Variants in MAPKAP1 observed in about 807,000 individuals in gnomAD.
The protein encoded by MAPKAP1 is target of rapamycin complex 2 subunit MAPKAP1.
MAPKAP1 carries 20 observed loss-of-function variants against 65.7 expected under a neutral mutation model. The observed-to-expected ratio is 0.30, with a 90% CI of 0.21 to 0.44. The LOEUF (loss-of-function observed/expected upper bound fraction) is 0.44, where lower values mean the gene tolerates loss of function less well. MAPKAP1 is among the 20% of genes least tolerant of loss of function. MAPKAP1 has a pLI of 1.00. For synonymous variants in MAPKAP1, 222 were observed against 244.3 expected (o/e 0.91, Z 0.85); for missense variants, 423 against 648.0 (o/e 0.65, Z 3.77).
At chr9:125,481,372 C>G (rs1016751766) in intron 9 of MAPKAP1, among the ~76,000 whole-genome samples, 5 of 152,188 alleles carry the variant, frequency 3.3e-5, no homozygotes, top group African/African-American at 1.2e-4. Context: ...TGATGCTCAC[C>G]TGGGCCCTTG....
At chr9:125,444,660 T>C in intron 10 of MAPKAP1, 62 bp from the exon 11 acceptor site, 1 of 1,132,680 alleles carries the variant, frequency 8.8e-7, no homozygotes, top group Non-Finnish European at 1.3e-6. Flanking sequence ...GGGGCCTCCA[T>C]ATGTTCTCCC....
intron 10 of MAPKAP1, among the ~76,000 whole-genome samples, chr9:125,463,880 T>G (rs1853584452): frequency 6.6e-6 from 1 of 152,230 alleles, no homozygotes; most frequent in African/African-American, 2.4e-5. Context: ...AATGATAGGC[T>G]GCTTCCTTTA....
intron 8 of MAPKAP1, among the ~76,000 whole-genome samples, chr9:125,488,035 T>C (rs1443785034): frequency 6.6e-6 from 1 of 152,248 alleles, no homozygotes; most frequent in Non-Finnish European, 1.5e-5. Flanking sequence ...GCAAGGCTTG[T>C]CAATATCCTT....
intron 9 of MAPKAP1, among the ~76,000 whole-genome samples, chr9:125,473,193 G>A (rs1319708915): frequency 6.6e-6 from 1 of 151,838 alleles, no homozygotes; most frequent in Non-Finnish European, 1.5e-5. Flanking sequence ...ACCCAACCTG[G>A]TGCCCCTCTC....
chr9:125,444,731 GT>G (rs1852636576), intron 10 of MAPKAP1, 133 bp from the exon 11 acceptor site: 1 of 597,994 alleles, frequency 1.7e-6, no homozygotes, highest in African/African-American at 1.9e-5. Flanking sequence ...CTTCCCAGGA[GT>G]AGTTCGTTTT....
At chr9:125,619,426 A>G (rs1832833641) in intron 4 of MAPKAP1, among the ~76,000 whole-genome samples, 1 of 152,104 alleles carries the variant, frequency 6.6e-6, no homozygotes, top group Non-Finnish European at 1.5e-5. Flanking sequence ...ACAGTGAGCT[A>G]AGATCATGCC....
At chr9:125,479,418 A>G (rs1262627979) in intron 9 of MAPKAP1, among the ~76,000 whole-genome samples, 1 of 152,152 alleles carries the variant, frequency 6.6e-6, no homozygotes, top group Non-Finnish European at 1.5e-5. Flanking sequence ...CGTCTCTACT[A>G]AAAACACAAA....
chr9:125,496,178 G>A (rs547105618), intron 8 of MAPKAP1, among the ~76,000 whole-genome samples: 1 of 152,296 alleles, frequency 6.6e-6, no homozygotes, highest in South Asian at 2.1e-4. Flanking sequence ...CCTTTATAGT[G>A]CGAACCAGTC....
intron 1 of MAPKAP1, among the ~76,000 whole-genome samples, chr9:125,701,608 T>A (rs898175972): frequency 1.3e-5 from 2 of 152,208 alleles, no homozygotes; most frequent in Admixed American, 6.5e-5. Flanking sequence ...GGGTGCCGAT[T>A]TCTTCATCTC....
At chr9:125,487,528 T>C (rs1854534616) in intron 8 of MAPKAP1, among the ~76,000 whole-genome samples, 1 of 152,036 alleles carries the variant, frequency 6.6e-6, no homozygotes, top group Non-Finnish European at 1.5e-5. Flanking sequence ...AGAACTTCTG[T>C]TTGCTTTACT....
chr9:125,614,532 G>A (rs1224038097), intron 4 of MAPKAP1, among the ~76,000 whole-genome samples: 1 of 152,118 alleles, frequency 6.6e-6, no homozygotes, highest in Non-Finnish European at 1.5e-5. Flanking sequence ...GCTAGGGCAG[G>A]GAGAATCACT....
intron 7 of MAPKAP1, among the ~76,000 whole-genome samples, chr9:125,526,449 C>T (rs1829770361): frequency 6.6e-6 from 1 of 152,194 alleles, no homozygotes; most frequent in South Asian, 2.1e-4. Context: ...TATGCTTTAA[C>T]CTACGGAAAA....
intron 10 of MAPKAP1, among the ~76,000 whole-genome samples, chr9:125,449,451 T>A (rs1407347235): frequency 6.6e-6 from 1 of 152,186 alleles, no homozygotes; most frequent in Non-Finnish European, 1.5e-5. Flanking sequence ...TTTATAGTGC[T>A]ATGTAAATAA....
intron 1 of MAPKAP1, among the ~76,000 whole-genome samples, chr9:125,701,541 T>C (rs1835598171): frequency 6.6e-6 from 1 of 152,204 alleles, no homozygotes; most frequent in South Asian, 2.1e-4. Flanking sequence ...TATCCGCATA[T>C]TCAGGATGCA....
At chr9:125,679,248 C>A (rs777938522) in intron 1 of MAPKAP1, among the ~76,000 whole-genome samples, 1 of 152,160 alleles carries the variant, frequency 6.6e-6, no homozygotes, top group African/African-American at 2.4e-5. Context: ...GTGATCCCCC[C>A]ACCTCGGCCT....
At chr9:125,535,296 CTT>C (rs1245835290) in intron 7 of MAPKAP1, among the ~76,000 whole-genome samples, 1 of 152,222 alleles carries the variant, frequency 6.6e-6, no homozygotes, top group African/African-American at 2.4e-5. Flanking sequence ...CCCAGAGCAT[CTT>C]TTCTCAGTCC....
At chr9:125,500,276 C>T (rs976039482) in intron 8 of MAPKAP1, among the ~76,000 whole-genome samples, 60 of 151,962 alleles carry the variant, frequency 3.9e-4, no homozygotes, top group African/African-American at 1.4e-3. Flanking sequence ...CAAGCTCTGC[C>T]TCCCGGGTTC....
intron 7 of MAPKAP1, among the ~76,000 whole-genome samples, chr9:125,526,232 C>G (rs940698351): frequency 1.3e-5 from 2 of 152,174 alleles, no homozygotes; most frequent in African/African-American, 4.8e-5. Flanking sequence ...CTCTTCTGTA[C>G]CTCTCCACAG....
In MAPKAP1 at chr9:125,554,820, A is replaced by ATTTT. The variant is rs1830691524; in HGVS notation, c.848+4809_848+4812dup. On this transcript the variant is annotated intron_variant, in intron 6 of 11. Coordinates refer to ENST00000265960, the MANE Select transcript of MAPKAP1 (RefSeq NM_001006617.3). ...AAAAAAAAAAAAAAAAAAAAAAAGC[A>ATTTT]TTTTCTAGTAAAGAACATTTAAAAT... Among the ~76,000 whole-genome samples the ATTTT allele has an allele frequency of 2.8e-5, 4 of 145,054 alleles. No individual in the cohort carries two copies. In the South Asian group the frequency reaches 8.8e-4, roughly 32 times the overall value.
Sources: gnomAD v4.1 joint callset for allele counts (sites outside exome capture counted in the v4.1 genomes callset) on GRCh38, gnomAD v4.1.1 for gene constraint, MANE v1.5 for transcripts, NCBI Gene and HGNC (gene_info 2026-07-23, HGNC 2026-07-21) for gene names.